The following SAXO1 variants were observed in gnomAD, a reference collection of about 807,000 sequenced individuals.
The protein encoded by SAXO1 is stabilizer of axonemal microtubules 1.
A neutral mutation model predicts 17.5 loss-of-function variants in SAXO1; 21 were observed. The observed-to-expected ratio is 1.20, with a 90% CI of 0.85 to 1.72. SAXO1 has a LOEUF of 1.72. Ranked by LOEUF, SAXO1 falls within the 40% of genes most tolerant of loss-of-function variation. The pLI is 0.00. For missense variants in SAXO1, 843 were observed against 596.0 expected (o/e 1.41, Z -4.32); for synonymous variants, 274 against 216.5 (o/e 1.27, Z -2.33).
At chr9:19,007,345 C>CA (rs200495105) in intron 1 of SAXO1, among the ~76,000 whole-genome samples, 180 of 148,396 alleles carry the variant, frequency 1.2e-3, no homozygotes, top group Non-Finnish European at 2.1e-3. Flanking sequence ...AACTCCATCT[C>CA]AAAAAAAAAT....
chr9:19,046,616 C>T (rs955481643), intron 1 of SAXO1, among the ~76,000 whole-genome samples: 3 of 151,668 alleles, frequency 2.0e-5, no homozygotes, highest in South Asian at 2.1e-4. Context: ...GCAGAAGGAT[C>T]GCTTGAACCC....
At chr9:18,957,009 C>A (rs1307225576) in intron 1 of SAXO1, among the ~76,000 whole-genome samples, 1 of 152,174 alleles carries the variant, frequency 6.6e-6, no homozygotes, top group Non-Finnish European at 1.5e-5. Context: ...AAATCACAGC[C>A]GTACACAACA....
chr9:19,002,968 T>C (rs1834337577), intron 1 of SAXO1, among the ~76,000 whole-genome samples: 1 of 152,222 alleles, frequency 6.6e-6, no homozygotes, highest in African/African-American at 2.4e-5. Flanking sequence ...TATTTGCATA[T>C]GACATGACTA....
chr9:19,026,232 T>C (rs1835466097), intron 1 of SAXO1, among the ~76,000 whole-genome samples: 1 of 152,186 alleles, frequency 6.6e-6, no homozygotes, highest in Non-Finnish European at 1.5e-5. Flanking sequence ...ATATGTACAA[T>C]CATTATGTAT....
chr9:18,966,151 C>A (rs557283413), intron 1 of SAXO1, among the ~76,000 whole-genome samples: 3 of 152,312 alleles, frequency 2.0e-5, no homozygotes, highest in South Asian at 2.1e-4. Context: ...GCAACCCAAC[C>A]TTTCTCTCTG....
intron 3 of SAXO1, among the ~76,000 whole-genome samples, chr9:18,939,107 AG>A (rs958420799): frequency 2.6e-5 from 4 of 152,136 alleles, no homozygotes; most frequent in African/African-American, 9.7e-5. Context: ...GACAGTGTAG[AG>A]GAGAGGCGAG....
rs1831997212 is a variant in SAXO1, at chr9:18,950,710, C to A, written c.218+48G>T. 2.0e-6 allele frequency: 3 copies of A among 1,514,088 alleles called. No individual in the cohort carries two copies. The South Asian group carries it at 3.6e-5, about 18-fold the overall frequency. The allele number at this position is 1,514,088 out of a possible 1,614,324, so 93.8% of individuals were successfully genotyped here. A position where few individuals can be genotyped will look rare whatever the true frequency, so the allele number is the denominator to read the frequency against. ...TTATACATTAGCACTGCATGTTACT[C>A]CATTAGTGTTGTATGTACCTGCATA... is the stretch of plus-strand genomic sequence containing the variant. On this transcript the variant is annotated intron_variant, in intron 2 of 3. Coordinates refer to ENST00000380534, the MANE Select transcript of SAXO1 (RefSeq NM_153707.4).
chr9:19,028,410 A>AT (rs1405611469), intron 1 of SAXO1, among the ~76,000 whole-genome samples: 3 of 152,140 alleles, frequency 2.0e-5, no homozygotes, highest in Admixed American at 2.0e-4. Flanking sequence ...TCGGAGTAGC[A>AT]TTTTTTCAAT....
chr9:18,958,761 G>A (rs746382295), intron 1 of SAXO1, among the ~76,000 whole-genome samples: 3 of 152,036 alleles, frequency 2.0e-5, no homozygotes, highest in Non-Finnish European at 4.4e-5. Context: ...AATTCTGAAG[G>A]AAATGTCTCC....
intron 1 of SAXO1, among the ~76,000 whole-genome samples, chr9:19,045,436 CTGCAAAGA>C (rs112538199): frequency 0.46 from 69,870 of 150,666 alleles, 17,079 homozygotes; most frequent in African/African-American, 0.64. Context: ...TTTTTATTCC[CTGCAAAGA>C]TGCAAAGAGT....
intron 1 of SAXO1, among the ~76,000 whole-genome samples, chr9:19,028,764 T>G (rs1362393489): frequency 2.0e-5 from 3 of 152,214 alleles, no homozygotes; most frequent in Admixed American, 2.0e-4. Context: ...GATTTTTTTT[T>G]TAGCCCAGCA....
At chr9:19,029,368 C>G (rs1404483966) in intron 1 of SAXO1, among the ~76,000 whole-genome samples, 1 of 152,150 alleles carries the variant, frequency 6.6e-6, no homozygotes, top group Admixed American at 6.5e-5. Context: ...CCAGAGAGAA[C>G]CAGTGACTCA....
intron 1 of SAXO1, among the ~76,000 whole-genome samples, chr9:18,998,079 C>A (rs1447137142): frequency 6.6e-6 from 1 of 152,108 alleles, no homozygotes; most frequent in East Asian, 1.9e-4. Flanking sequence ...GAACACAACT[C>A]CTCACCAGGG....
In SAXO1 at chr9:18,941,702, G is replaced by C. The variant is rs750820696; in HGVS notation, c.356C>G (p.Pro119Arg). 6.2e-7 allele frequency: 1 copy of C among 1,614,170 alleles called. No homozygotes were observed. ...ATATTTACTGTCCCGAGGTTTGATG[G>C]GGTCCACTCGACAGACAGGGTAGGG... ...YNPYPVCRVD[P>R]IKPRDSKYPC... The change falls in exon 3 of 4, where the codon CCC (proline) becomes CGC (arginine). Residue 119 changes from proline to arginine, a missense_variant. Transcript: ENST00000380534.
chr9:18,995,572 C>T (rs1833967020), intron 1 of SAXO1, among the ~76,000 whole-genome samples: 1 of 152,162 alleles, frequency 6.6e-6, no homozygotes, highest in Non-Finnish European at 1.5e-5. Context: ...AAGCCTTACT[C>T]CTGTTTATGA....
chr9:18,978,761 C>A (rs1421860817), intron 1 of SAXO1, among the ~76,000 whole-genome samples: 4 of 152,176 alleles, frequency 2.6e-5, no homozygotes, highest in Admixed American at 6.5e-5. Flanking sequence ...CAACAGTTTG[C>A]AGATGGAGAA....
At chr9:18,987,295 C>T (rs552860612) in intron 1 of SAXO1, among the ~76,000 whole-genome samples, 3 of 152,280 alleles carry the variant, frequency 2.0e-5, no homozygotes, top group Admixed American at 6.5e-5. Flanking sequence ...TCCTCATACT[C>T]CAAGAACAAA....
chr9:18,978,203 A>G (rs1476375657), intron 1 of SAXO1, among the ~76,000 whole-genome samples: 1 of 151,598 alleles, frequency 6.6e-6, no homozygotes, highest in East Asian at 1.9e-4. Flanking sequence ...TCCACCCCCA[A>G]CCCCACAATG....
chr9:18,979,661 T>C (rs1002244817), intron 1 of SAXO1, among the ~76,000 whole-genome samples: 2 of 151,690 alleles, frequency 1.3e-5, no homozygotes, highest in African/African-American at 4.8e-5. Context: ...CCAGCAAGAG[T>C]GTATGGGCTG....
Sources: gnomAD v4.1 joint callset for allele counts (sites outside exome capture counted in the v4.1 genomes callset) on GRCh38, gnomAD v4.1.1 for gene constraint, MANE v1.5 for transcripts, NCBI Gene and HGNC (gene_info 2026-07-23, HGNC 2026-07-21) for gene names.